FARS2: variants seen among roughly 807,000 people sequenced by gnomAD.
The protein encoded by FARS2 is phenylalanyl-tRNA synthetase 2, mitochondrial.
FARS2 carries 40 observed loss-of-function variants against 46.4 expected under a neutral mutation model. The ratio of observed to expected loss-of-function variants is 0.86; its 90% CI spans 0.67 to 1.12. The LOEUF (loss-of-function observed/expected upper bound fraction) is 1.12, where lower values mean the gene tolerates loss of function less well. Among genes scored for constraint, FARS2 ranks in the 50% most tolerant of loss-of-function variants. The probability of loss-of-function intolerance (pLI) is 0.00; values close to 1 mark genes in which losing one functional copy is unlikely to be tolerated. For synonymous variants in FARS2, 234 were observed against 214.9 expected, an observed-to-expected ratio of 1.09 and a Z score of -0.78; for missense variants, 513 against 567.9, an observed-to-expected ratio of 0.90 and a Z score of 0.98.
At chr6:5,368,489 AAC>A in intron 1 of FARS2, 59 bp from the exon 2 acceptor site, 1 of 1,455,904 alleles carries the variant, frequency 6.9e-7, no homozygotes, top group Non-Finnish European at 9.3e-7. Flanking sequence ...AGATGCAAAG[AAC>A]ACACTTGCTT....
At chr6:5,591,003 A>G (rs1773886504) in intron 5 of FARS2, among the ~76,000 whole-genome samples, 2 of 152,192 alleles carry the variant, frequency 1.3e-5, no homozygotes, top group Admixed American at 1.3e-4. Flanking sequence ...TAAATTATGC[A>G]TATCAATCAC....
chr6:5,466,050 C>T (rs1765496573), intron 4 of FARS2, among the ~76,000 whole-genome samples: 1 of 152,114 alleles, frequency 6.6e-6, no homozygotes, highest in Non-Finnish European at 1.5e-5. Flanking sequence ...TTGCAGACTT[C>T]TGAAGCTCAT....
chr6:5,555,810 G>T (rs1561710034), intron 5 of FARS2, among the ~76,000 whole-genome samples: 1 of 152,088 alleles, frequency 6.6e-6, no homozygotes, highest in Non-Finnish European at 1.5e-5. Context: ...AAGGGATACA[G>T]GAAGAAATGT....
intron 6 of FARS2, among the ~76,000 whole-genome samples, chr6:5,669,445 T>C (rs1778337656): frequency 1.3e-5 from 2 of 149,190 alleles, no homozygotes; most frequent in Admixed American, 1.4e-4. Flanking sequence ...AGGGTTAGTG[T>C]GCCTCAAGAT....
Position 5,727,249 on chromosome 6 carries a change from T to C in FARS2, c.1218-44042T>C, listed in dbSNP as rs1209060193. On this transcript the variant is annotated intron_variant, in intron 6 of 6. Transcript: ENST00000274680. The surrounding 1 kb of genome is among the most constrained non-coding windows in gnomAD (Gnocchi z 4.1). ...CACTAGTTTTATTCAGTGGTTCAGA[T>C]GGTTCAAATGCAGCCTCCTCTATGA... Among the ~76,000 whole-genome samples the C allele has an allele frequency of 2.0e-5, 3 of 152,202 alleles. No individual in the cohort carries two copies. In the East Asian group the frequency reaches 5.8e-4, roughly 29 times the overall value.
chr6:5,430,753 A>G (rs1394383157), intron 3 of FARS2, among the ~76,000 whole-genome samples: 1 of 152,086 alleles, frequency 6.6e-6, no homozygotes, highest in East Asian at 1.9e-4. Flanking sequence ...ATCTTGGCCT[A>G]GTGTTTTCTT....
At chr6:5,294,952 C>G (rs72815620) in intron 1 of FARS2, among the ~76,000 whole-genome samples, 15,443 of 152,200 alleles carry the variant, frequency 0.1, 865 homozygotes, top group Middle Eastern at 0.14. Flanking sequence ...AGGGAACATA[C>G]AGTCAAAGGA....
At chr6:5,527,045 GAATC>G (rs1291855884) in intron 4 of FARS2, among the ~76,000 whole-genome samples, 1 of 141,804 alleles carries the variant, frequency 7.1e-6, no homozygotes, top group African/African-American at 2.4e-5. Context: ...ACTCAGGAAG[GAATC>G]AGACAGTCTT....
chr6:5,680,587 T>C (rs569925545), intron 6 of FARS2, among the ~76,000 whole-genome samples: 1 of 152,352 alleles, frequency 6.6e-6, no homozygotes, highest in South Asian at 2.1e-4. Context: ...TGGTTTATTG[T>C]TACCTTTTTA....
At chr6:5,532,764 G>GTAATAATAA (rs113215364) in intron 4 of FARS2, among the ~76,000 whole-genome samples, 1 of 148,808 alleles carries the variant, frequency 6.7e-6, no homozygotes, top group African/African-American at 2.5e-5. Flanking sequence ...AGTAGTAGTA[G>GTAATAATAA]TAATAATAAT....
At chr6:5,266,083 T>TA (rs1441280303) in intron 1 of FARS2, among the ~76,000 whole-genome samples, 24 of 152,114 alleles carry the variant, frequency 1.6e-4, no homozygotes, top group African/African-American at 5.6e-4. Flanking sequence ...TTGAAGGATT[T>TA]AAATGTTTGA....
intron 6 of FARS2, among the ~76,000 whole-genome samples, chr6:5,620,827 A>T (rs1362878983): frequency 6.6e-6 from 1 of 152,236 alleles, no homozygotes; most frequent in East Asian, 1.9e-4. Flanking sequence ...CACTTGAGTC[A>T]GATGCTGCCC....
chr6:5,646,667 A>G (rs1777095953), intron 6 of FARS2, among the ~76,000 whole-genome samples: 1 of 152,162 alleles, frequency 6.6e-6, no homozygotes, highest in African/African-American at 2.4e-5. Context: ...ATAAAATGGC[A>G]TAGTATTTGC....
chr6:5,750,631 C>T (rs942064538), intron 6 of FARS2, among the ~76,000 whole-genome samples: 25 of 152,012 alleles, frequency 1.6e-4, no homozygotes, highest in Admixed American at 3.3e-4. Context: ...CCTGAAAAGT[C>T]GAAGGCAGTG....
intron 5 of FARS2, among the ~76,000 whole-genome samples, chr6:5,595,329 G>A (rs137950763): frequency 1.1e-4 from 17 of 152,194 alleles, no homozygotes; most frequent in African/African-American, 4.1e-4. Context: ...TGTACCTAAG[G>A]GGAAATGACG....
chr6:5,602,126 A>G (rs184467166), intron 5 of FARS2, among the ~76,000 whole-genome samples: 1 of 152,312 alleles, frequency 6.6e-6, no homozygotes, highest in Non-Finnish European at 1.5e-5. Context: ...AAAATTTGCA[A>G]GTGGAGAATG....
rs1162929610 is a variant in FARS2, at chr6:5,424,776, TC to T, written c.773-6264del. ...TGAACCTTGTGAACATATTTCCTAT[TC>T]AAAACAAAACAATTTATAAAAGAAT... is the stretch of plus-strand genomic sequence containing the variant. On this transcript the variant is annotated intron_variant, in intron 3 of 6. Coordinates refer to ENST00000274680, the MANE Select transcript of FARS2 (RefSeq NM_006567.5). Among the ~76,000 whole-genome samples, 3 of 152,288 alleles carry T rather than the reference TC, an allele frequency of 2.0e-5. No individual in the cohort carries two copies. In the East Asian group the frequency reaches 5.8e-4, roughly 29 times the overall value.
chr6:5,577,679 G>T (rs183084280), intron 5 of FARS2, among the ~76,000 whole-genome samples: 135 of 152,298 alleles, frequency 8.9e-4, no homozygotes, highest in Middle Eastern at 6.8e-3. Context: ...GAGCAAGACT[G>T]TGGAATCTCT....
At chr6:5,613,886 G>T (rs1016817081) in intron 6 of FARS2, among the ~76,000 whole-genome samples, 8 of 152,186 alleles carry the variant, frequency 5.3e-5, no homozygotes, top group African/African-American at 1.9e-4. Context: ...TTTCATGTGG[G>T]GAGTCAGGGC....
Sources: allele counts gnomAD v4.1 joint callset (sites outside exome capture counted in the v4.1 genomes callset), GRCh38; gene constraint gnomAD v4.1.1; non-coding constraint Gnocchi (gnomAD v3.1); transcripts MANE v1.5; gene names NCBI Gene and HGNC (gene_info 2026-07-23, HGNC 2026-07-21).